AKAP8L: variants seen among roughly 807,000 people sequenced by gnomAD.
The protein encoded by AKAP8L is A-kinase anchor protein 8-like.
Under a neutral mutation model 77.5 loss-of-function variants are expected in AKAP8L, and 34 were observed. That is an observed-to-expected ratio of 0.44 (90% CI 0.33 to 0.58). The LOEUF (loss-of-function observed/expected upper bound fraction) is 0.58. AKAP8L is among the 20% of genes least tolerant of loss of function. The pLI is 0.02. For synonymous variants in AKAP8L, 342 were observed against 340.7 expected, an observed-to-expected ratio of 1.00 and a Z score of -0.04; for missense variants, 806 against 887.6, an observed-to-expected ratio of 0.91 and a Z score of 1.17.
chr19:15,409,304 G>T (rs761424594), intron 2 of AKAP8L, among the ~76,000 whole-genome samples: 1 of 152,196 alleles, frequency 6.6e-6, no homozygotes, highest in Non-Finnish European at 1.5e-5. Context: ...AATTCAAAAG[G>T]ATGTGCAATT....
At chr19:15,391,116 T>G (rs759850068) in intron 12 of AKAP8L, among the ~76,000 whole-genome samples, 14 of 152,190 alleles carry the variant, frequency 9.2e-5, no homozygotes, top group South Asian at 6.2e-4. Context: ...GAAGTAAAAC[T>G]AACTCTATTT....
rs751130320 is a variant in AKAP8L at position 15,403,680 on chromosome 19, GGCCATA to G, written c.151_156del (p.Tyr51_Gly52del). On this transcript the variant is annotated inframe_deletion, in exon 4 of 14. Coordinates refer to ENST00000397410, the MANE Select transcript of AKAP8L (RefSeq NM_014371.4). The surrounding 1 kb of genome is among the most constrained non-coding windows in gnomAD (Gnocchi z 4.3). Reference sequence around the variant, plus strand: ...TACCCATAGTTGGTGGTGTTATCCTGGCCATAGCCATAGCCATAGCCATAGCCCTCG... The same window carrying G: ...TACCCATAGTTGGTGGTGTTATCCTGGCCATAGCCATAGCCATAGCCCTCG... 46 of 1,607,436 alleles carry G rather than the reference GGCCATA, an allele frequency of 2.9e-5. No homozygotes were observed. Among genetic ancestry groups the G allele is most frequent in the African/African-American group, 8.0e-5 (6 of 74,874 alleles).
At chr19:15,414,768 G>A (rs1426395000) in intron 1 of AKAP8L, among the ~76,000 whole-genome samples, 1 of 152,064 alleles carries the variant, frequency 6.6e-6, no homozygotes, top group Non-Finnish European at 1.5e-5. Context: ...GATTACAGGC[G>A]TGAGCCACCA....
intron 1 of AKAP8L, among the ~76,000 whole-genome samples, chr19:15,418,411 G>T (rs1419850651): frequency 6.6e-6 from 1 of 152,104 alleles, no homozygotes; most frequent in Non-Finnish European, 1.5e-5. Context: ...CTAGGGCCTG[G>T]CGCCTTTCCC....
At chr19:15,389,476 C>A (rs533048230) in intron 12 of AKAP8L, among the ~76,000 whole-genome samples, 1 of 151,680 alleles carries the variant, frequency 6.6e-6, no homozygotes, top group South Asian at 2.1e-4. Flanking sequence ...GTAATCTATA[C>A]ATCAAAGCAG....
At chr19:15,418,395 AT>A (rs1968252596) in intron 1 of AKAP8L, among the ~76,000 whole-genome samples, 1 of 151,472 alleles carries the variant, frequency 6.6e-6, no homozygotes, top group Non-Finnish European at 1.5e-5. Context: ...ATATTTACTT[AT>A]CCCCCTAGGG....
chr19:15,404,313 T>A, intron 2 of AKAP8L: 1 of 445,494 alleles, frequency 2.2e-6, no homozygotes, highest in East Asian at 4.0e-5. Flanking sequence ...TACTCCTCCC[T>A]TTAAGAGCCA....
intron 12 of AKAP8L, among the ~76,000 whole-genome samples, chr19:15,391,831 C>G (rs1967670089): frequency 6.6e-6 from 1 of 152,008 alleles, no homozygotes; most frequent in Non-Finnish European, 1.5e-5. Flanking sequence ...GCCACTGCGC[C>G]CAGCCTTATG....
chr19:15,398,961 T>C lies in AKAP8L; in HGVS notation c.1157+341A>G, dbSNP rs1967832311. The C allele has an allele frequency of 2.6e-6, 1 of 387,410 alleles. No individual in the cohort carries two copies. Among genetic ancestry groups the C allele is most frequent in the African/African-American group, 2.1e-5 (1 of 47,058 alleles). 24.0% of individuals were successfully genotyped at this position (387,410 alleles called of 1,614,324 possible). A position where few individuals can be genotyped will look rare whatever the true frequency, so the allele number is the denominator to read the frequency against. ...GCACAGGCGCCTTGGACCTTGAGTC[T>C]CTGATGAGCTGGCCCCCTCCCTCAG... is the stretch of plus-strand genomic sequence containing the variant. On this transcript the variant is annotated intron_variant, in intron 9 of 13. Coordinates refer to ENST00000397410, the MANE Select transcript of AKAP8L (RefSeq NM_014371.4). The surrounding 1 kb of genome is among the most constrained non-coding windows in gnomAD (Gnocchi z 9.2).
intron 7 of AKAP8L, 113 bp from the exon 8 acceptor site, chr19:15,400,471 A>G: frequency 9.1e-7 from 1 of 1,094,216 alleles, no homozygotes; most frequent in Non-Finnish European, 1.3e-6. Context: ...CTCCATAGAC[A>G]GAGCAGGGCT....
Position 15,401,216 on chromosome 19 carries a change from G to T in AKAP8L, c.750C>A (p.Phe250Leu), listed in dbSNP as rs996999292. ...GAFPGGSRFG[F>L]GFGNGMKQMR... ...TCTGCTTCATGCCATTGCCAAACCC[G>T]AAACCAAAGCGGGAGCCGCCCGGGA... Residue 250 changes from phenylalanine (F) to leucine (L), a missense_variant, in exon 5 of 14, where the codon TTC (phenylalanine) becomes TTA (leucine). Phe to Leu is a conservative substitution (Grantham distance 22). Coordinates refer to ENST00000397410, the MANE Select transcript of AKAP8L (RefSeq NM_014371.4). The surrounding 1 kb of genome is among the most constrained non-coding windows in gnomAD (Gnocchi z 6.2). The T allele has an allele frequency of 5.6e-6, 9 of 1,612,808 alleles. No individual in the cohort carries two copies. The East Asian group carries it at 1.1e-4, about 20-fold the overall frequency.
chr19:15,401,579 G>C lies in AKAP8L; in HGVS notation c.387C>G (p.Asp129Glu). ...GERYDSYESC[D>E]SRAVLSERDL... ...CGCGCTCACTCAGGACGGCCCTCGA[G>C]TCGCAGGACTCATAAGAGTCATACC... Residue 129 changes from aspartate (D) to glutamate (E), a missense_variant, in exon 5 of 14, where the codon GAC becomes GAG. By Grantham distance (45) the Asp-to-Glu change is conservative (BLOSUM62 2). Coordinates refer to ENST00000397410, the MANE Select transcript of AKAP8L (RefSeq NM_014371.4). This position sits in a 1 kb window ranked among gnomAD's most constrained non-coding sequence, Gnocchi z 6.2. The C allele has an allele frequency of 6.2e-7, 1 of 1,606,174 alleles. No individual in the cohort carries two copies. The highest frequency in any genetic ancestry group is 8.5e-7 in the Non-Finnish European group (1 of 1,176,988).
intron 12 of AKAP8L, among the ~76,000 whole-genome samples, chr19:15,395,532 C>T (rs1260390840): frequency 6.6e-6 from 1 of 151,280 alleles, no homozygotes; most frequent in African/African-American, 2.4e-5. Flanking sequence ...CCAGGAAGGT[C>T]TCCATCTCTT....
At position 15,400,936 on chromosome 19, in the gene AKAP8L, A is replaced by C. The variant is rs746002574; in HGVS notation, c.913+11T>G. On this transcript the variant is annotated intron_variant, in intron 6 of 13. Coordinates refer to ENST00000397410, the MANE Select transcript of AKAP8L (RefSeq NM_014371.4). ...AGGGGGCAGCCGCCCAGTACCACCT[A>C]GTGGGCTCACCATTGTCTGAGTCGC... 5.0e-6 allele frequency: 8 copies of C among 1,613,758 alleles called. No individual in the cohort carries two copies. The African/African-American group carries it at 6.7e-5, about 13-fold the overall frequency.
In AKAP8L at chr19:15,397,311, G is replaced by A. The variant is rs767806064; in HGVS notation, c.1406-31C>T. The A allele has an allele frequency of 1.7e-5, 28 of 1,612,902 alleles. No individual in the cohort carries two copies. The highest frequency in any genetic ancestry group is 2.3e-5 in the Non-Finnish European group (27 of 1,179,350). On this transcript the variant is annotated intron_variant, in intron 11 of 13. Coordinates refer to ENST00000397410, the MANE Select transcript of AKAP8L (RefSeq NM_014371.4). This position sits in a 1 kb window ranked among gnomAD's most constrained non-coding sequence, Gnocchi z 4.7. ...GTGGGGAGGAGGGAGTCACCACTGG[G>A]CCCAGGTGCCTAAGATAGACCCAGG... is the stretch of plus-strand genomic sequence containing the variant.
intron 12 of AKAP8L, among the ~76,000 whole-genome samples, chr19:15,395,275 G>A (rs934360716): frequency 2.0e-5 from 3 of 151,828 alleles, no homozygotes; most frequent in Admixed American, 1.3e-4. Context: ...CTCGTGATCC[G>A]CCCACCTTGT....
Position 15,399,491 on chromosome 19 carries a change from A to T in AKAP8L, c.1049-81T>A. 2.0e-6 allele frequency: 2 copies of T among 1,001,588 alleles called. No individual in the cohort carries two copies. Among genetic ancestry groups the T allele is most frequent in the Non-Finnish European group, 3.2e-6 (2 of 629,462 alleles). 62.0% of individuals were successfully genotyped at this position (1,001,588 alleles called of 1,614,324 possible). A position where few individuals can be genotyped will look rare whatever the true frequency, so the allele number is the denominator to read the frequency against. On this transcript the variant is annotated intron_variant, in intron 8 of 13. Transcript: ENST00000397410. This position sits in a 1 kb window ranked among gnomAD's most constrained non-coding sequence, Gnocchi z 6.1. ...CCTGCGGCCTCTGGCTGAATCACCC[A>T]CTGTCCACTCCAGAGGGTCCATCGA...
At chr19:15,388,145 C>G (rs1038177930) in intron 12 of AKAP8L, among the ~76,000 whole-genome samples, 1 of 151,900 alleles carries the variant, frequency 6.6e-6, no homozygotes, top group African/African-American at 2.4e-5. Flanking sequence ...TGGCTTCCTC[C>G]CTCCAAGACA....
intron 1 of AKAP8L, among the ~76,000 whole-genome samples, chr19:15,416,450 G>A (rs1599626307): frequency 6.6e-6 from 1 of 152,146 alleles, no homozygotes; most frequent in African/African-American, 2.4e-5. Context: ...GCCAGCCCTA[G>A]GGAGAGATCC....
Sources: allele counts gnomAD v4.1 joint callset (sites outside exome capture counted in the v4.1 genomes callset), GRCh38; gene constraint gnomAD v4.1.1; non-coding constraint Gnocchi (gnomAD v3.1); transcripts MANE v1.5; gene names NCBI Gene and HGNC (gene_info 2026-07-23, HGNC 2026-07-21).